Variants in EIF2S3B observed in about 807,000 individuals in gnomAD.
The protein encoded by EIF2S3B is eukaryotic translation initiation factor 2 subunit gamma B.
In EIF2S3B, 16 loss-of-function variants were observed where a neutral mutation model predicts 26.4. That is an observed-to-expected ratio of 0.61 (90% CI 0.41 to 0.92). The LOEUF is 0.92. Among genes scored for constraint, EIF2S3B ranks in the 40% least tolerant of loss-of-function variants. The pLI is 0.00. For synonymous variants in EIF2S3B, 183 were observed against 204.4 expected, an observed-to-expected ratio of 0.90 and a Z score of 0.89; for missense variants, 510 against 575.5, an observed-to-expected ratio of 0.89 and a Z score of 1.16.
In EIF2S3B at chr12:10,508,172, C is replaced by CGAATTGCATGAAAAGGATGCAT. The variant is rs1565526749; in HGVS notation, c.*855_*856insTGCATGAAAAGGATGCATGAAT. Among the ~76,000 whole-genome samples the CGAATTGCATGAAAAGGATGCAT allele has an allele frequency of 3.9e-5, 6 of 152,120 alleles. No homozygotes were observed. The East Asian group carries it at 7.7e-4, about 20-fold the overall frequency. ...GTTCGAATTGCATGAAAAGGATGCA[C>CGAATTGCATGAAAAGGATGCAT]GAATGGGTTCGAATGAAATTGTCCT... On this transcript the variant is annotated 3_prime_UTR_variant, in exon 1 of 1. Transcript: ENST00000538173.
At position 10,506,183 on chromosome 12, in the gene EIF2S3B, C is replaced by G. The variant is rs762088155; in HGVS notation, c.281C>G (p.Pro94Arg). The G allele has an allele frequency of 1.3e-5, 20 of 1,574,076 alleles. No individual in the cohort carries two copies. The East Asian group carries it at 3.1e-4, about 25-fold the overall frequency. Residue 94 changes from proline (P) to arginine (R), a missense_variant, in exon 1 of 1, where the codon CCA (proline) becomes CGA (arginine). Physicochemically the swap from Pro to Arg is moderately radical, Grantham distance 103. Transcript: ENST00000538173. ...GCTAAGATTTATCAACTTGATGACC[C>G]AAGTTGCCCTCGGCCAGAATGTTAT... ...ANAKIYQLDD[P>R]SCPRPECYRS...
chr12:10,513,992 G>C (rs1864730274), intron 1 of EIF2S3B, among the ~76,000 whole-genome samples: 3 of 152,168 alleles, frequency 2.0e-5, no homozygotes, highest in Admixed American at 6.5e-5. Flanking sequence ...TCCAGCCTGG[G>C]TGACAGAGCG....
downstream of EIF2S3B, among the ~76,000 whole-genome samples, chr12:10,509,083 T>C (rs538349893): frequency 6.6e-6 from 1 of 152,268 alleles, no homozygotes; most frequent in East Asian, 1.9e-4. Context: ...TGTCTGCTAC[T>C]TAGTGCTCTA....
chr12:10,519,063 C>T (rs1210348527), intron 1 of EIF2S3B, among the ~76,000 whole-genome samples: 3 of 149,838 alleles, frequency 2.0e-5, no homozygotes, highest in Non-Finnish European at 4.5e-5. Flanking sequence ...CAATCCTAAG[C>T]CAAAAGAACA....
chr12:10,509,338 T>C (rs961631327), downstream of EIF2S3B, among the ~76,000 whole-genome samples: 3 of 152,094 alleles, frequency 2.0e-5, no homozygotes, highest in African/African-American at 7.2e-5. Context: ...TACTGTCAGA[T>C]GGCTTGCAAA....
At chr12:10,515,138 C>T (rs1009132836) in intron 1 of EIF2S3B, among the ~76,000 whole-genome samples, 2 of 152,002 alleles carry the variant, frequency 1.3e-5, no homozygotes, top group South Asian at 2.1e-4. Flanking sequence ...ACTCCATCTA[C>T]ATTAGTCTTG....
chr12:10,514,732 A>G (rs1166814706), intron 1 of EIF2S3B, among the ~76,000 whole-genome samples: 1 of 152,198 alleles, frequency 6.6e-6, no homozygotes, highest in Non-Finnish European at 1.5e-5. Context: ...ACTGAATCCA[A>G]TGCAGATTCC....
At chr12:10,517,949 A>C (rs1386545959) in intron 1 of EIF2S3B, among the ~76,000 whole-genome samples, 2 of 146,538 alleles carry the variant, frequency 1.4e-5, no homozygotes, top group African/African-American at 2.5e-5. Flanking sequence ...CCTGAGTTCT[A>C]GTTTGATTGC....
Position 10,506,685 on chromosome 12 carries a change from T to A in EIF2S3B, c.783T>A (p.Ser261=), listed in dbSNP as rs11548546. ...TSEPRLIVIR[S]FDVNKPGCEV... is the part of the protein sequence containing the mutation. ...AGCCCCGGCTTATTGTTATTAGATC[T>A]TTTGATGTCAACAAACCTGGCTGTG... The change falls in exon 1 of 1, where the codon TCT becomes TCA. Residue 261 remains serine, a synonymous_variant. Transcript: ENST00000538173. 6.2e-7 allele frequency: 1 copy of A among 1,614,072 alleles called. No homozygotes were observed. The highest frequency in any genetic ancestry group is 2.2e-5 in the East Asian group (1 of 44,882).
At chr12:10,522,663 G>A (rs1157547725) in exon 2 of EIF2S3B, 3 of 698,118 alleles carry the variant, frequency 4.3e-6, no homozygotes, top group Non-Finnish European at 7.9e-6. Flanking sequence ...TCTTACCAAT[G>A]AGACACAGAG....
chr12:10,511,478 A>G (rs1864703879), downstream of EIF2S3B, among the ~76,000 whole-genome samples: 1 of 152,174 alleles, frequency 6.6e-6, no homozygotes, highest in African/African-American at 2.4e-5. Context: ...TCTAAAGAAC[A>G]AAGTGAATGA....
At chr12:10,513,667 C>A (rs983262852) in intron 1 of EIF2S3B, among the ~76,000 whole-genome samples, 4 of 152,160 alleles carry the variant, frequency 2.6e-5, no homozygotes, top group African/African-American at 9.6e-5. Flanking sequence ...AAGATAAAAT[C>A]AAACTGTTTC....
In EIF2S3B at chr12:10,507,117, G is replaced by A. The variant is rs767905045; in HGVS notation, c.1215G>A (p.Met405Ile). ...VQKLSKNEVL[M>I]VNIGSLSTGG... ...AGCTGTCTAAGAATGAAGTGCTCATGGTGAACATAGGATCCCTGTCGACAG... is the reference window on the plus strand; with the variant it reads ...AGCTGTCTAAGAATGAAGTGCTCATAGTGAACATAGGATCCCTGTCGACAG... Residue 405 changes from methionine to isoleucine, a missense_variant, in exon 1 of 1, where the codon ATG becomes ATA. Transcript: ENST00000538173. 2.5e-6 allele frequency: 4 copies of A among 1,613,704 alleles called. No homozygotes were observed. Among genetic ancestry groups the A allele is most frequent in the Non-Finnish European group, 3.4e-6 (4 of 1,179,710 alleles).
Position 10,506,290 on chromosome 12 carries a change from G to A in EIF2S3B, c.388G>A (p.Val130Ile). ...AGGGAACTTCAGATTAGTCAGACAT[G>A]TTTCCTTTGTTGACTGTCCTGGCCA... ...TKGNFRLVRH[V>I]SFVDCPGHDI... Residue 130 changes from valine to isoleucine, a missense_variant, in exon 1 of 1, where the codon GTT becomes ATT. Coordinates refer to ENST00000538173, the MANE Select transcript of EIF2S3B (RefSeq NM_001357734.3). The A allele has an allele frequency of 1.2e-6, 2 of 1,614,082 alleles. No homozygotes were observed. The highest frequency in any genetic ancestry group is 1.7e-6 in the Non-Finnish European group (2 of 1,179,974).
intron 1 of EIF2S3B, among the ~76,000 whole-genome samples, chr12:10,520,290 CAT>C (rs1864816166): frequency 6.9e-6 from 1 of 145,868 alleles, no homozygotes; most frequent in African/African-American, 2.6e-5. Flanking sequence ...TGTTCTCACT[CAT>C]AGGTGGGAAT....
chr12:10,506,933 A>T lies in EIF2S3B; in HGVS notation c.1031A>T (p.Asp344Val), dbSNP rs1190626192. Residue 344 changes from aspartate to valine, a missense_variant, in exon 1 of 1, where the codon GAC (aspartate) becomes GTC (valine). Coordinates refer to ENST00000538173, the MANE Select transcript of EIF2S3B (RefSeq NM_001357734.3). ...CTTATTGGAGTTGGAACAAAAATTGACCCCACTTTGTGCCGGGCTGACAGA... is the reference window on the plus strand; with the variant it reads ...CTTATTGGAGTTGGAACAAAAATTGTCCCCACTTTGTGCCGGGCTGACAGA... ...GGLIGVGTKI[D>V]PTLCRADRMV... The T allele has an allele frequency of 1.2e-6, 2 of 1,613,736 alleles. No individual in the cohort carries two copies. The highest frequency in any genetic ancestry group is 1.7e-5 in the Admixed American group (1 of 60,010).
chr12:10,516,354 G>A (rs1864757517), intron 1 of EIF2S3B, among the ~76,000 whole-genome samples: 1 of 151,888 alleles, frequency 6.6e-6, no homozygotes, highest in African/African-American at 2.4e-5. Flanking sequence ...GCAACTCCCA[G>A]GGTTACTGCA....
chr12:10,520,427 G>A (rs959873805), intron 1 of EIF2S3B, among the ~76,000 whole-genome samples: 4 of 149,280 alleles, frequency 2.7e-5, no homozygotes, highest in African/African-American at 9.9e-5. Context: ...GAGTTAATGG[G>A]TGCAGCACAC....
Position 10,506,558 on chromosome 12 carries a change from C to A in EIF2S3B, c.656C>A (p.Ala219Asp), listed in dbSNP as rs1864633127. ...AFVQGTVAEG[A>D]PIIPISAQLK... ...GTCCAAGGTACAGTAGCAGAGGGAGCTCCCATTATTCCAATTTCGGCTCAG... is the reference window on the plus strand; with the variant it reads ...GTCCAAGGTACAGTAGCAGAGGGAGATCCCATTATTCCAATTTCGGCTCAG... Residue 219 changes from alanine (A) to aspartate (D), a missense_variant, in exon 1 of 1, where the codon GCT becomes GAT. By Grantham distance (126) the Ala-to-Asp change is moderately radical (BLOSUM62 -2). Transcript: ENST00000538173. 2 of 1,591,284 alleles carry A rather than the reference C, an allele frequency of 1.3e-6. No individual in the cohort carries two copies. The highest frequency in any genetic ancestry group is 1.7e-6 in the Non-Finnish European group (2 of 1,159,326).
Sources: gnomAD v4.1 joint callset for allele counts (sites outside exome capture counted in the v4.1 genomes callset) on GRCh38, gnomAD v4.1.1 for gene constraint, MANE v1.5 for transcripts, NCBI Gene and HGNC (gene_info 2026-07-23, HGNC 2026-07-21) for gene names.